CXADR: variants seen among roughly 807,000 people sequenced by gnomAD.
CXADR encodes CXADR cell adhesion molecule, also known as coxsackievirus and adenovirus receptor.
A neutral mutation model predicts 40.3 loss-of-function variants in CXADR; 20 were observed. The observed-to-expected ratio is 0.50, with a 90% confidence interval of 0.35 to 0.72. The LOEUF (loss-of-function observed/expected upper bound fraction) is 0.72, where lower values mean the gene tolerates loss of function less well. Among genes scored for constraint, CXADR ranks in the 30% least tolerant of loss-of-function variants. CXADR has a pLI of 0.01. For missense variants in CXADR, 332 were observed against 449.1 expected, an observed-to-expected ratio of 0.74 and a Z score of 2.36; for synonymous variants, 150 against 161.3, an observed-to-expected ratio of 0.93 and a Z score of 0.53.
At chr21:17,580,403 G>A (rs796207122) in intron 7 of CXADR, among the ~76,000 whole-genome samples, 33 of 152,224 alleles carry the variant, frequency 2.2e-4, no homozygotes, top group African/African-American at 7.5e-4. Context: ...CAGATATCTC[G>A]AGCCCAGGAG....
At chr21:17,540,352 A>G (rs2060811936) in intron 1 of CXADR, among the ~76,000 whole-genome samples, 1 of 152,206 alleles carries the variant, frequency 6.6e-6, no homozygotes, top group Admixed American at 6.5e-5. Flanking sequence ...ATTTATTAGT[A>G]TACATTATAT....
the CXADR span, among the ~76,000 whole-genome samples, chr21:17,606,681 TA>T: frequency 6.6e-6 from 1 of 152,118 alleles, no homozygotes; most frequent in Non-Finnish European, 1.5e-5. Context: ...TGTTTTGTAC[TA>T]TTTTTTTTCA....
intron 1 of CXADR, chr21:17,530,487 C>G (rs1787524052): frequency 2.2e-6 from 1 of 446,014 alleles, no homozygotes; most frequent in Non-Finnish European, 4.5e-6. Context: ...TACTGATGGA[C>G]CCTTTTTCCC....
At chr21:17,540,647 G>T (rs1423101457) in intron 1 of CXADR, among the ~76,000 whole-genome samples, 1 of 152,138 alleles carries the variant, frequency 6.6e-6, no homozygotes, top group African/African-American at 2.4e-5. Context: ...GTTGTTTTCA[G>T]ATGTTTTTGT....
At chr21:17,590,929 C>T (rs1050774569) in intron 7 of CXADR, among the ~76,000 whole-genome samples, 4 of 152,010 alleles carry the variant, frequency 2.6e-5, no homozygotes, top group Non-Finnish European at 4.4e-5. Flanking sequence ...GATGATCAGC[C>T]AGCTCCCTCT....
chr21:17,587,578 G>A (rs1373246379), intron 7 of CXADR, among the ~76,000 whole-genome samples: 14 of 152,100 alleles, frequency 9.2e-5, no homozygotes, highest in East Asian at 1.9e-4. Context: ...CCCACTTTTC[G>A]ATGGGGTTGT....
intron 1 of CXADR, chr21:17,541,897 A>T (rs1012941908): frequency 3.9e-5 from 9 of 230,530 alleles, no homozygotes. Flanking sequence ...CTTCACTGTA[A>T]AGTTACTACT....
chr21:17,593,009 T>C (rs773344782), intron 7 of CXADR: 5 of 645,120 alleles, frequency 7.8e-6, no homozygotes, highest in Non-Finnish European at 1.1e-5. Flanking sequence ...AGTTGTGATT[T>C]TTCTGGTAAG....
intron 7 of CXADR, among the ~76,000 whole-genome samples, chr21:17,585,599 C>A (rs1311869027): frequency 7.2e-5 from 11 of 152,260 alleles, no homozygotes; most frequent in Non-Finnish European, 8.8e-5. Context: ...CTCACTGCAA[C>A]CTCCGCCTCC....
chr21:17,545,959 A>G (rs1272464562), intron 1 of CXADR, among the ~76,000 whole-genome samples: 6 of 151,830 alleles, frequency 4.0e-5, no homozygotes, highest in African/African-American at 1.5e-4. Context: ...TTGTATTTCT[A>G]GTAGAGATGG....
At chr21:17,607,399 A>T in the CXADR span, among the ~76,000 whole-genome samples, 1,277 of 152,294 alleles carry the variant, frequency 8.4e-3, 25 homozygotes, top group African/African-American at 0.029. Context: ...CAAAAAAAAA[A>T]TTAAGATAAT....
At chr21:17,622,797 ATTC>A in the CXADR span, among the ~76,000 whole-genome samples, 1 of 152,192 alleles carries the variant, frequency 6.6e-6, no homozygotes, top group Non-Finnish European at 1.5e-5. Context: ...GGAGAGAATA[ATTC>A]TTCTCACTGA....
At chr21:17,536,054 TTTG>T (rs1312997649) in intron 1 of CXADR, among the ~76,000 whole-genome samples, 1 of 152,226 alleles carries the variant, frequency 6.6e-6, no homozygotes, top group Non-Finnish European at 1.5e-5. Flanking sequence ...TTTTCATTTT[TTTG>T]TTAATTTCTT....
At chr21:17,593,159 A>G in exon 8 of CXADR, 1 of 1,443,682 alleles carries the variant, frequency 6.9e-7, no homozygotes, top group Non-Finnish European at 9.2e-7. Context: ...TAGTTCAAGT[A>G]CCCTTACAAG....
the CXADR span, among the ~76,000 whole-genome samples, chr21:17,615,213 G>A: frequency 6.6e-6 from 1 of 152,166 alleles, no homozygotes; most frequent in East Asian, 1.9e-4. Flanking sequence ...GATATAGGGA[G>A]AAGACAGCAA....
At position 17,565,810 on chromosome 21, in the gene CXADR, C is replaced by G; in HGVS notation, c.*118C>G. On this transcript the variant is annotated 3_prime_UTR_variant, in exon 7 of 7. Coordinates refer to ENST00000284878, the MANE Select transcript of CXADR (RefSeq NM_001338.5). ...AAAATACATCAAAAAATAAGTTAAT[C>G]AGGAACTGTACGGAATATATTTTTA... is the stretch of plus-strand genomic sequence containing the variant. 6.9e-7 allele frequency: 1 copy of G among 1,450,734 alleles called. No individual in the cohort carries two copies. Among genetic ancestry groups the G allele is most frequent in the Admixed American group, 2.8e-5 (1 of 36,246 alleles). The allele number at this position is 1,450,734 out of a possible 1,614,324, so 89.9% of individuals were successfully genotyped here. A position where few individuals can be genotyped will look rare whatever the true frequency, so the allele number is the denominator to read the frequency against.
At chr21:17,574,704 C>T (rs114853177), downstream of CXADR, among the ~76,000 whole-genome samples, 1,639 of 152,218 alleles carry the variant, frequency 0.011, 29 homozygotes, top group African/African-American at 0.037. Flanking sequence ...GTAGAGAATG[C>T]AGACAGAAGT....
chr21:17,615,068 G>A, the CXADR span, among the ~76,000 whole-genome samples: 1 of 152,186 alleles, frequency 6.6e-6, no homozygotes, highest in Admixed American at 6.5e-5. Flanking sequence ...AATCCCCAAT[G>A]TGATGGTATT....
intron 7 of CXADR, among the ~76,000 whole-genome samples, chr21:17,582,106 T>C (rs1225923143): frequency 7.1e-6 from 1 of 140,032 alleles, no homozygotes; most frequent in African/African-American, 2.7e-5. Context: ...ACACATTTCC[T>C]AAGGCCACAT....
Sources: gnomAD v4.1 joint callset for allele counts (sites outside exome capture counted in the v4.1 genomes callset) on GRCh38, gnomAD v4.1.1 for gene constraint, MANE v1.5 for transcripts, NCBI Gene and HGNC (gene_info 2026-07-23, HGNC 2026-07-21) for gene names.